Variants in HEMK1 observed in about 807,000 individuals in gnomAD.
HEMK1 encodes HemK methyltransferase 1, mitochondrial release factors N(5)-glutamine.
In HEMK1, 36 loss-of-function variants were observed where a neutral mutation model predicts 47.9. The observed-to-expected ratio is 0.75, with a 90% CI of 0.58 to 0.99. The LOEUF (loss-of-function observed/expected upper bound fraction) is 0.99. HEMK1 is among the 50% of genes least tolerant of loss of function. The pLI, the probability that HEMK1 is intolerant of heterozygous loss-of-function variation, is 0.00. For synonymous variants in HEMK1, 153 were observed against 165.4 expected, an observed-to-expected ratio of 0.93 and a Z score of 0.57; for missense variants, 383 against 434.5, an observed-to-expected ratio of 0.88 and a Z score of 1.05.
intron 7 of HEMK1, among the ~76,000 whole-genome samples, chr3:50,578,387 C>T (rs962146618): frequency 2.6e-5 from 4 of 152,316 alleles, no homozygotes; most frequent in Non-Finnish European, 5.9e-5. Context: ...TGGTGTAGCA[C>T]CTGGCACAGG....
chr3:50,580,661 T>C lies in HEMK1; in HGVS notation c.*244T>C, dbSNP rs1456258354. On this transcript the variant is annotated 3_prime_UTR_variant, in exon 11 of 11. Transcript: ENST00000232854. Reference sequence around the variant, plus strand: ...ATCGGGGGATATGGCCAGTAAAGTATTGAGAGACTAACAAATGGTGACCTA... The same window carrying C: ...ATCGGGGGATATGGCCAGTAAAGTACTGAGAGACTAACAAATGGTGACCTA... The C allele has an allele frequency of 1.7e-6, 1 of 577,206 alleles. No individual in the cohort carries two copies. The highest frequency in any genetic ancestry group is 3.1e-6 in the Non-Finnish European group (1 of 324,650). 35.8% of individuals were successfully genotyped at this position (577,206 alleles called of 1,614,324 possible).
intron 7 of HEMK1, among the ~76,000 whole-genome samples, chr3:50,578,356 C>T (rs1427612257): frequency 6.6e-6 from 1 of 152,206 alleles, no homozygotes; most frequent in Admixed American, 6.5e-5. Context: ...TCAGTGCCCC[C>T]TCCATGGAAT....
chr3:50,577,393 G>C, intron 5 of HEMK1, 116 bp from the exon 6 acceptor site: 1 of 1,205,566 alleles, frequency 8.3e-7, no homozygotes, highest in South Asian at 1.2e-5. Context: ...AGAAAAGGCT[G>C]TTGGGTATTT....
intron 1 of HEMK1, chr3:50,569,908 C>T (rs1008872864): frequency 2.6e-5 from 4 of 152,216 alleles, no homozygotes; most frequent in East Asian, 1.9e-4. Flanking sequence ...GACCGCGGCT[C>T]GCTGCAACTT....
chr3:50,582,854 G>A lies in HEMK1; in HGVS notation c.*2437G>A, dbSNP rs908512769. ...AGCCTCTCCTCACTATGGCCCCAGT[G>A]CCTTGAGGCCCAGGCCAGGGCAGCC... On this transcript the variant is annotated 3_prime_UTR_variant, in exon 11 of 11. Transcript: ENST00000232854. 2 of 152,358 alleles carry A rather than the reference G, an allele frequency of 1.3e-5. No individual in the cohort carries two copies. Among genetic ancestry groups the A allele is most frequent in the African/African-American group, 4.8e-5 (2 of 41,474 alleles). The allele number at this position is 152,358 out of a possible 1,614,324, so 9.4% of individuals were successfully genotyped here.
At chr3:50,577,732 G>A in intron 6 of HEMK1, 94 bp from the exon 7 acceptor site, 1 of 1,441,304 alleles carries the variant, frequency 6.9e-7, no homozygotes, top group Admixed American at 1.7e-5. Context: ...TGAGTATCTT[G>A]CCAGTCCAAG....
rs950236457 is a variant in HEMK1, at chr3:50,581,354, G to C, written c.*937G>C. 2.6e-5 allele frequency: 4 copies of C among 152,212 alleles called. No homozygotes were observed. The highest frequency in any genetic ancestry group is 9.7e-5 in the African/African-American group (4 of 41,434). 9.4% of individuals were successfully genotyped at this position (152,212 alleles called of 1,614,324 possible). A position where few individuals can be genotyped will look rare whatever the true frequency, so the allele number is the denominator to read the frequency against. Reference sequence around the variant, plus strand: ...TGCTGGTGATGTGAGCCTACATCAGGGTGGGTCCTAAGAAACATGGCAAAC... The same window carrying C: ...TGCTGGTGATGTGAGCCTACATCAGCGTGGGTCCTAAGAAACATGGCAAAC... On this transcript the variant is annotated 3_prime_UTR_variant, in exon 11 of 11. Coordinates refer to ENST00000232854, the MANE Select transcript of HEMK1 (RefSeq NM_016173.5).
In HEMK1 at chr3:50,595,800, T is replaced by C. The variant is rs538060159; in HGVS notation, c.*15383T>C. ...AACCCAAGATAGAGAGACAACACTA[T>C]ATAGGCATCGATGTATTTCTGGGGT... On this transcript the variant is annotated 3_prime_UTR_variant, in exon 11 of 11. Coordinates refer to ENST00000232854, the MANE Select transcript of HEMK1 (RefSeq NM_016173.5). The C allele has an allele frequency of 6.6e-6, 1 of 152,280 alleles. No individual in the cohort carries two copies. The highest frequency in any genetic ancestry group is 1.9e-4 in the East Asian group (1 of 5,174). 9.4% of individuals were successfully genotyped at this position (152,280 alleles called of 1,614,324 possible). A position where few individuals can be genotyped will look rare whatever the true frequency, so the allele number is the denominator to read the frequency against.
rs758994573 is a variant in HEMK1, at chr3:50,577,532, G to A, written c.573G>A (p.Lys191=). 4.3e-6 allele frequency: 7 copies of A among 1,614,140 alleles called. No individual in the cohort carries two copies. The highest frequency in any genetic ancestry group is 5.1e-6 in the Non-Finnish European group (6 of 1,180,024). The change falls in exon 6 of 11, where the codon AAG becomes AAA. Residue 191 remains lysine, a synonymous_variant. Transcript: ENST00000232854. The part of the protein sequence containing the change: ...LPQSRVIAVD[K]REAAISLTHE... The stretch of plus-strand genomic sequence containing the variant: ...AGAGCCGAGTCATTGCTGTGGATAA[G>A]CGGGAAGCTGCTATCTCTCTGACCC...
chr3:50,579,984 T>G (rs2030530416), intron 9 of HEMK1, 45 bp downstream of exon 9: 1 of 1,553,176 alleles, frequency 6.4e-7, no homozygotes. Flanking sequence ...AGCAGGCTCC[T>G]CTGCTCCTAA....
intron 3 of HEMK1, 22 bp downstream of exon 3, chr3:50,571,823 C>G (rs1161429229): frequency 6.2e-7 from 1 of 1,604,328 alleles, no homozygotes; most frequent in Non-Finnish European, 8.5e-7. Flanking sequence ...TGGATCAGAC[C>G]TGAAGGATGT....
At chr3:50,571,577 G>T in intron 2 of HEMK1, 133 bp from the exon 3 acceptor site, 1 of 868,324 alleles carries the variant, frequency 1.2e-6, no homozygotes, top group South Asian at 1.4e-5. Flanking sequence ...GCAGGATGCT[G>T]CCCCCTCTGG....
In HEMK1 at chr3:50,571,860, C is replaced by T. The variant is rs565289257; in HGVS notation, c.320+59C>T. 4.6e-6 allele frequency: 7 copies of T among 1,520,714 alleles called. No individual in the cohort carries two copies. In the East Asian group the frequency reaches 1.1e-4, roughly 24 times the overall value. 94.2% of individuals were successfully genotyped at this position (1,520,714 alleles called of 1,614,324 possible). The stretch of plus-strand genomic sequence containing the variant: ...TTCAGGGAGCAGCAGTCCAGCCTCC[C>T]CTATCCCCACCAAGTTCAGGGAGGA... On this transcript the variant is annotated intron_variant, in intron 3 of 10. Transcript: ENST00000232854.
chr3:50,593,798 C>G lies in HEMK1; in HGVS notation c.*13381C>G, dbSNP rs1043852657. The G allele has an allele frequency of 6.6e-6, 1 of 150,580 alleles. No individual in the cohort carries two copies. The highest frequency in any genetic ancestry group is 1.5e-5 in the Non-Finnish European group (1 of 67,858). The allele number at this position is 150,580 out of a possible 1,614,324, so 9.3% of individuals were successfully genotyped here. The stretch of plus-strand genomic sequence containing the variant: ...CCACTCTGTTGCCCAGACTGGAGTG[C>G]AGTGGCGCGATCTCCCAGGTTCAAG... On this transcript the variant is annotated 3_prime_UTR_variant, in exon 11 of 11. Coordinates refer to ENST00000232854, the MANE Select transcript of HEMK1 (RefSeq NM_016173.5).
In HEMK1 at chr3:50,577,559, T is replaced by C. The variant is rs2232251; in HGVS notation, c.600T>C (p.His200=). The C allele has an allele frequency of 1.2e-6, 2 of 1,612,776 alleles. No homozygotes were observed. Among genetic ancestry groups the C allele is most frequent in the South Asian group, 1.1e-5 (1 of 91,054 alleles). Residue 200 remains histidine (H), a synonymous_variant, in exon 6 of 11, where the codon CAT becomes CAC. Coordinates refer to ENST00000232854, the MANE Select transcript of HEMK1 (RefSeq NM_016173.5). ...GGGAAGCTGCTATCTCTCTGACCCA[T>C]GAGAATGCTCAGAGGTAGGTGGGGG... ...DKREAAISLT[H]ENAQRLRLQD...
At chr3:50,574,735 C>T (rs1489336969) in intron 4 of HEMK1, among the ~76,000 whole-genome samples, 2 of 152,178 alleles carry the variant, frequency 1.3e-5, no homozygotes, top group East Asian at 1.9e-4. Context: ...CCACAAGTAC[C>T]TTAGTGGTCT....
rs374771816 is a variant in HEMK1 at position 50,577,903 on chromosome 3, G to A, written c.664+28G>A. On this transcript the variant is annotated intron_variant, in intron 7 of 10. Coordinates refer to ENST00000232854, the MANE Select transcript of HEMK1 (RefSeq NM_016173.5). The stretch of plus-strand genomic sequence containing the variant: ...ACCCTCCCCTGCATGTTCCTTGAGA[G>A]AGGGAGACTAGATGCAGGTGCTGCT... 6.8e-6 allele frequency: 11 copies of A among 1,609,336 alleles called. No homozygotes were observed. The African/African-American group carries it at 1.5e-4, about 22-fold the overall frequency.
chr3:50,573,656 A>G (rs755207031), intron 4 of HEMK1, among the ~76,000 whole-genome samples: 5 of 152,080 alleles, frequency 3.3e-5, no homozygotes, highest in Non-Finnish European at 5.9e-5. Flanking sequence ...ATTTCTGAGA[A>G]CTCACCAGGT....
chr3:50,578,591 G>A (rs1380035527), intron 7 of HEMK1, among the ~76,000 whole-genome samples: 1 of 152,254 alleles, frequency 6.6e-6, no homozygotes, highest in African/African-American at 2.4e-5. Context: ...AGGATTTTTG[G>A]CAAGGACACT....
Sources: allele counts gnomAD v4.1 joint callset (sites outside exome capture counted in the v4.1 genomes callset), GRCh38; gene constraint gnomAD v4.1.1; transcripts MANE v1.5; gene names NCBI Gene and HGNC (gene_info 2026-07-23, HGNC 2026-07-21).